KIFC3: variants seen among roughly 807,000 people sequenced by gnomAD.
KIFC3 encodes kinesin family member C3, also known as kinesin-like protein KIFC3.
KIFC3 carries 60 observed loss-of-function variants against 101.8 expected under a neutral mutation model. The observed-to-expected ratio is 0.59, with a 90% CI of 0.48 to 0.73. KIFC3 has a LOEUF of 0.73. KIFC3 is among the 30% of genes least tolerant of loss of function. The pLI, the probability that KIFC3 is intolerant of heterozygous loss-of-function variation, is 0.00. For missense variants in KIFC3, 966 were observed against 1,137.1 expected, an observed-to-expected ratio of 0.85 and a Z score of 2.16; for synonymous variants, 476 against 482.7, an observed-to-expected ratio of 0.99 and a Z score of 0.18.
chr16:57,860,585 C>G (rs2056283390), intron 1 of KIFC3, among the ~76,000 whole-genome samples: 1 of 152,200 alleles, frequency 6.6e-6, no homozygotes, highest in African/African-American at 2.4e-5. Context: ...TCTTAGATCT[C>G]ACTTTCTTGG....
At chr16:57,803,135 T>C (rs899085947), upstream of KIFC3, 88 of 1,072,494 alleles carry the variant, frequency 8.2e-5, 2 homozygotes, top group Admixed American at 1.6e-3. Flanking sequence ...AGCAAATGAA[T>C]ATCTTCCCAG....
In KIFC3 at chr16:57,771,215, G is replaced by C. The variant is rs782537142; in HGVS notation, c.748C>G (p.Gln250Glu). The change falls in exon 6 of 20, where the codon CAG becomes GAG. Residue 250 changes from glutamine (Q) to glutamate (E), a missense_variant. Physicochemically the swap from Gln to Glu is conservative, Grantham distance 29. Around this residue, in one of 2 missense-constraint regions of KIFC3, gnomAD observed 689 missense variants for 884.6 expected, o/e 0.78. Transcript: ENST00000445690. ...GGGCTCACCTTGACAGGTGGGGACT[G>C]GGCCCGCAGGCTGGCAATGGTCTCG... ...SHETIASLRA[Q>E]SPPVKYVIKT... 1.2e-6 allele frequency: 2 copies of C among 1,612,756 alleles called. No homozygotes were observed. The highest frequency in any genetic ancestry group is 4.5e-5 in the East Asian group (2 of 44,888).
intron 17 of KIFC3, 132 bp downstream of exon 17, chr16:57,760,150 A>G (rs2049662426): frequency 1.8e-6 from 2 of 1,090,412 alleles, no homozygotes; most frequent in African/African-American, 1.6e-5. Flanking sequence ...TTCCAGCCGT[A>G]GCTCCACCCA....
Position 57,766,973 on chromosome 16 carries a change from T to C in KIFC3, c.1231A>G (p.Ile411Val). 3 of 1,613,072 alleles carry C rather than the reference T, an allele frequency of 1.9e-6. No individual in the cohort carries two copies. The highest frequency in any genetic ancestry group is 1.1e-5 in the South Asian group (1 of 91,084). ...TGGTTGTTGCTGTTGACCTCCTCGA[T>C]GGCCTGGCCTATCTGGTGGGGGGTG... ...RSVKAEIGQAIEEVNSNNQEL... is the reference protein window; with the variant it reads ...RSVKAEIGQAVEEVNSNNQEL... The change falls in exon 10 of 20, where the codon ATC (isoleucine) becomes GTC (valine). Residue 411 changes from isoleucine (I) to valine (V), a missense_variant. By Grantham distance (29) the Ile-to-Val change is conservative. Coordinates refer to ENST00000445690, the MANE Select transcript of KIFC3 (RefSeq NM_001130100.2).
intron 1 of KIFC3, among the ~76,000 whole-genome samples, chr16:57,834,207 C>A (rs191387772): frequency 1.3e-5 from 2 of 152,208 alleles, no homozygotes; most frequent in Admixed American, 1.3e-4. Flanking sequence ...CTTAGCAACA[C>A]ATTATCAAAT....
At chr16:57,802,961 G>A, upstream of KIFC3, 1 of 1,535,218 alleles carries the variant, frequency 6.5e-7, no homozygotes, top group Non-Finnish European at 8.7e-7. This position sits in a 1 kb window ranked among gnomAD's most constrained non-coding sequence, Gnocchi z 5.0. Flanking sequence ...TCTTACTCAC[G>A]AGACAATACA....
chr16:57,801,699 G>C (rs1452808555), intron 1 of KIFC3, among the ~76,000 whole-genome samples: 5 of 152,230 alleles, frequency 3.3e-5, no homozygotes. Flanking sequence ...TGGTACTCCA[G>C]AATTTAATTA....
intron 3 of KIFC3, chr16:57,777,077 A>G (rs1258885632): frequency 2.0e-5 from 3 of 152,264 alleles, no homozygotes; most frequent in African/African-American, 7.2e-5. Flanking sequence ...CAAAAAGGAA[A>G]TTAAGAAAAT....
chr16:57,795,884 GTTTTTTT>G (rs797031930), intron 2 of KIFC3, among the ~76,000 whole-genome samples: 1 of 58,784 alleles, frequency 1.7e-5, no homozygotes, highest in African/African-American at 4.9e-5. Flanking sequence ...GGGCTTTTTT[GTTTTTTT>G]TTTTTTTTTT....
intron 1 of KIFC3, among the ~76,000 whole-genome samples, chr16:57,800,157 G>T (rs1555625029): frequency 6.6e-6 from 1 of 152,168 alleles, no homozygotes; most frequent in East Asian, 1.9e-4. Context: ...CAGGGGTTAG[G>T]GGCCTGAAGA....
At chr16:57,823,373 T>C (rs1357460624) in intron 1 of KIFC3, among the ~76,000 whole-genome samples, 9 of 152,178 alleles carry the variant, frequency 5.9e-5, no homozygotes, top group Non-Finnish European at 1.0e-4. Flanking sequence ...CCCTAAAATG[T>C]ATACAAGCAA....
chr16:57,800,171 G>A (rs1444351008), intron 1 of KIFC3, among the ~76,000 whole-genome samples: 1 of 152,330 alleles, frequency 6.6e-6, no homozygotes, highest in Admixed American at 6.5e-5. Context: ...CTGAAGATCT[G>A]GTGTCTGATG....
rs782792124 is a variant in KIFC3 at position 57,760,735 on chromosome 16, C to T, written c.2223G>A (p.Met741Ile). ...AACCCAAGGTCCTCACCTGTACCACCATGAGGGTCTTGCTGTCACCACTAA... is the reference window on the plus strand; with the variant it reads ...AACCCAAGGTCCTCACCTGTACCACTATGAGGGTCTTGCTGTCACCACTAA... ...DSLSGDSKTLMVVQVSPVEKN... is the reference protein window; with the variant it reads ...DSLSGDSKTLIVVQVSPVEKN... The change falls in exon 16 of 20, where the codon ATG becomes ATA. Residue 741 changes from methionine to isoleucine, a missense_variant. Physicochemically the swap from Met to Ile is conservative, Grantham distance 10. Around this residue, in one of 2 missense-constraint regions of KIFC3, gnomAD observed 689 missense variants for 884.6 expected, o/e 0.78. Transcript: ENST00000445690. 6.2e-7 allele frequency: 1 copy of T among 1,613,426 alleles called. No homozygotes were observed.
At chr16:57,768,859 A>C (rs1266613727) in intron 9 of KIFC3, among the ~76,000 whole-genome samples, 1 of 152,174 alleles carries the variant, frequency 6.6e-6, no homozygotes, top group East Asian at 1.9e-4. Flanking sequence ...GAATTAAGTT[A>C]AACCTAACAG....
At chr16:57,773,451 T>G (rs1303690442) in intron 3 of KIFC3, among the ~76,000 whole-genome samples, 1 of 152,190 alleles carries the variant, frequency 6.6e-6, no homozygotes, top group African/African-American at 2.4e-5. Flanking sequence ...AAGAGAGGCC[T>G]AGGCCAGCCT....
rs187161021 is a variant in KIFC3 at position 57,815,395 on chromosome 16, G to A, written c.109-17113C>T. ...ATCTCTGTGCTTAGAGATCCACACC[G>A]CACCCCACCACCGCCACGTGTTTTC... On this transcript the variant is annotated intron_variant, in intron 1 of 2. Coordinates refer to the KIFC3 transcript ENST00000563028. 5.0e-4 allele frequency: 578 copies of A among 1,164,664 alleles called. 1 individual carries two copies. The African/African-American group carries it at 5.9e-3, about 12-fold the overall frequency. 72.1% of individuals were successfully genotyped at this position (1,164,664 alleles called of 1,614,324 possible). A position where few individuals can be genotyped will look rare whatever the true frequency, so the allele number is the denominator to read the frequency against.
chr16:57,766,086 A>G (rs2965792), intron 10 of KIFC3, among the ~76,000 whole-genome samples: 83,842 of 152,138 alleles, frequency 0.55, 26,141 homozygotes, highest in Non-Finnish European at 0.7. Context: ...GCAGGTGATG[A>G]CTGGTGGTGT....
chr16:57,836,842 C>T (rs2055697954), intron 1 of KIFC3, among the ~76,000 whole-genome samples: 1 of 152,118 alleles, frequency 6.6e-6, no homozygotes. Flanking sequence ...CAGGCACACA[C>T]CATCATAAGC....
At chr16:57,847,182 T>TGAAGGAAGGAGG (rs1270936468) in intron 1 of KIFC3, among the ~76,000 whole-genome samples, 20 of 130,658 alleles carry the variant, frequency 1.5e-4, no homozygotes, top group South Asian at 7.4e-4. Flanking sequence ...AATGAATCTG[T>TGAAGGAAGGAGG]GAAGGAAGGA....
Sources: gnomAD v4.1 joint callset for allele counts (sites outside exome capture counted in the v4.1 genomes callset) on GRCh38, gnomAD v4.1.1 for gene constraint, gnomAD v4.1.1 regional missense constraint, Gnocchi (gnomAD v3.1) non-coding constraint, MANE v1.5 for transcripts, NCBI Gene and HGNC (gene_info 2026-07-23, HGNC 2026-07-21) for gene names.